The following PHF21B variants were observed in gnomAD, a reference collection of about 807,000 sequenced individuals.
PHF21B encodes the protein PHD finger protein 4.
Under a neutral mutation model 62.2 loss-of-function variants are expected in PHF21B, and 22 were observed. The ratio of observed to expected loss-of-function variants is 0.35; its 90% CI spans 0.25 to 0.51. The LOEUF is 0.51. Ranked by LOEUF, PHF21B falls within the 20% of genes least tolerant of loss-of-function variation. The pLI is 0.97. For synonymous variants in PHF21B, 341 were observed against 314.7 expected (o/e 1.08, Z -0.88); for missense variants, 701 against 707.9 (o/e 0.99, Z 0.11).
chr22:44,952,912 C>T (rs557325350), intron 2 of PHF21B, among the ~76,000 whole-genome samples: 7 of 152,182 alleles, frequency 4.6e-5, no homozygotes, highest in African/African-American at 7.2e-5. Context: ...TCCTAGCCCT[C>T]GGTTGCCCTC....
At chr22:44,894,001 C>T (rs756459383) in intron 6 of PHF21B, among the ~76,000 whole-genome samples, 1 of 152,224 alleles carries the variant, frequency 6.6e-6, no homozygotes, top group Admixed American at 6.5e-5. Context: ...CCTTCGCATG[C>T]GAGCGAGAGG....
intron 5 of PHF21B, among the ~76,000 whole-genome samples, chr22:44,899,017 C>T (rs1462893920): frequency 6.6e-6 from 1 of 152,150 alleles, no homozygotes; most frequent in Non-Finnish European, 1.5e-5. Context: ...GAGCTCCTGC[C>T]ACACGTTCAG....
chr22:44,997,587 G>A (rs1211012283), intron 2 of PHF21B, among the ~76,000 whole-genome samples: 1 of 152,112 alleles, frequency 6.6e-6, no homozygotes, highest in African/African-American at 2.4e-5. Context: ...AATGCTACCT[G>A]TCACTTTGCA....
intron 2 of PHF21B, among the ~76,000 whole-genome samples, chr22:44,982,960 G>C (rs4823428): frequency 6.6e-6 from 1 of 152,102 alleles, no homozygotes; most frequent in Non-Finnish European, 1.5e-5. Context: ...ATGTATGCAA[G>C]GGGCCGGGCG....
chr22:44,975,111 G>A (rs1411414807), intron 2 of PHF21B, among the ~76,000 whole-genome samples: 2 of 152,098 alleles, frequency 1.3e-5, no homozygotes, highest in Admixed American at 6.6e-5. Flanking sequence ...TGCACCCTTG[G>A]CTGAGGGAAG....
At chr22:44,976,451 C>G (rs1490249069) in intron 2 of PHF21B, among the ~76,000 whole-genome samples, 1 of 152,202 alleles carries the variant, frequency 6.6e-6, no homozygotes, top group Non-Finnish European at 1.5e-5. Context: ...TACCCATTGA[C>G]CAATCTTTCC....
At chr22:44,981,812 C>CA (rs952648939) in intron 2 of PHF21B, among the ~76,000 whole-genome samples, 43 of 152,344 alleles carry the variant, frequency 2.8e-4, no homozygotes, top group African/African-American at 9.1e-4. Flanking sequence ...GGATGACTCT[C>CA]AGAGTTCTGG....
At chr22:44,927,119 G>A (rs1036814713) in intron 2 of PHF21B, among the ~76,000 whole-genome samples, 8 of 152,022 alleles carry the variant, frequency 5.3e-5, no homozygotes, top group African/African-American at 9.7e-5. Flanking sequence ...GGATGGAGGC[G>A]GCGGAGAGGC....
chr22:45,009,363 G>T lies in PHF21B; in HGVS notation c.54+133C>A. ...GGTCCGCGCGTGTGCTCACTCCCTC[G>T]CCCCCCGCCCCCGGGCAGGCTCCAG... is the stretch of plus-strand genomic sequence containing the variant. On this transcript the variant is annotated intron_variant, in intron 1 of 12. Transcript: ENST00000313237. The surrounding 1 kb of genome is among the most constrained non-coding windows in gnomAD (Gnocchi z 5.9). The T allele has an allele frequency of 1.1e-6, 1 of 928,354 alleles. No individual in the cohort carries two copies. The highest frequency in any genetic ancestry group is 1.8e-5 in the South Asian group (1 of 55,672). The allele number at this position is 928,354 out of a possible 1,614,324, so 57.5% of individuals were successfully genotyped here. A position where few individuals can be genotyped will look rare whatever the true frequency, so the allele number is the denominator to read the frequency against.
At chr22:44,955,306 A>C (rs1411710540) in intron 2 of PHF21B, among the ~76,000 whole-genome samples, 1 of 152,164 alleles carries the variant, frequency 6.6e-6, no homozygotes, top group Admixed American at 6.5e-5. Flanking sequence ...ATCTGGGTAA[A>C]CACCACCTGT....
chr22:44,961,891 A>T (rs1044856819), intron 2 of PHF21B, among the ~76,000 whole-genome samples: 2 of 146,916 alleles, frequency 1.4e-5, no homozygotes, highest in Admixed American at 1.4e-4. Context: ...TAAATAAATA[A>T]ATAAGTATAA....
chr22:44,971,561 G>C (rs1368914856), intron 2 of PHF21B: 1 of 152,536 alleles, frequency 6.6e-6, no homozygotes, highest in Non-Finnish European at 1.5e-5. Context: ...GCAGAAGCCT[G>C]AATTCCCCAA....
At chr22:44,915,042 G>T (rs1262114282) in intron 4 of PHF21B, among the ~76,000 whole-genome samples, 1 of 152,122 alleles carries the variant, frequency 6.6e-6, no homozygotes. Flanking sequence ...CCTAAGCACG[G>T]GTGGTGACTG....
chr22:44,993,166 T>C (rs1025038033), intron 2 of PHF21B, among the ~76,000 whole-genome samples: 1 of 152,198 alleles, frequency 6.6e-6, no homozygotes, highest in Admixed American at 6.5e-5. Flanking sequence ...CTGGGATTCC[T>C]GGCAGGACTC....
At chr22:44,936,188 C>G (rs980269763) in intron 2 of PHF21B, among the ~76,000 whole-genome samples, 2 of 152,232 alleles carry the variant, frequency 1.3e-5, no homozygotes, top group African/African-American at 4.8e-5. Flanking sequence ...AGCCCCCTCC[C>G]GGGAGAGCTA....
At chr22:44,958,271 T>A (rs1157184871) in intron 2 of PHF21B, among the ~76,000 whole-genome samples, 2 of 152,112 alleles carry the variant, frequency 1.3e-5, no homozygotes, top group Non-Finnish European at 2.9e-5. Flanking sequence ...CCTCCCTGAC[T>A]CTCTCCCTAC....
Position 44,916,280 on chromosome 22 carries a change from C to A in PHF21B, c.564G>T (p.Lys188Asn). Residue 188 changes from lysine (K) to asparagine (N), a missense_variant and splice_region_variant, in exon 4 of 13, where the codon AAG (lysine) becomes AAT (asparagine). Physicochemically the swap from Lys to Asn is moderately conservative, Grantham distance 94 (BLOSUM62 0). Coordinates refer to ENST00000313237, the MANE Select transcript of PHF21B (RefSeq NM_138415.5). ...CCGGAGCCTGCTGGTGGGCACTCAC[C>A]TTGTTGTCAGCACTGATGAGGAGGG... is the stretch of plus-strand genomic sequence containing the variant. Reference protein sequence around the residue: ...VQPLLISADNKPPPRLLSSPH... With the variant: ...VQPLLISADNNPPPRLLSSPH... 6.2e-7 allele frequency: 1 copy of A among 1,608,596 alleles called. No homozygotes were observed. The highest frequency in any genetic ancestry group is 1.1e-5 in the South Asian group (1 of 90,342).
intron 2 of PHF21B, among the ~76,000 whole-genome samples, chr22:44,989,989 G>A (rs779672966): frequency 1.1e-4 from 16 of 152,202 alleles, no homozygotes; most frequent in African/African-American, 1.7e-4. Context: ...GCACAGGCAC[G>A]CTCTTCATAA....
intron 10 of PHF21B, among the ~76,000 whole-genome samples, chr22:44,886,785 T>C (rs1435825568): frequency 6.6e-6 from 1 of 152,044 alleles, no homozygotes; most frequent in Non-Finnish European, 1.5e-5. Context: ...CTGCCCACCA[T>C]ATCCACAGCC....
Sources: gnomAD v4.1 joint callset for allele counts (sites outside exome capture counted in the v4.1 genomes callset) on GRCh38, gnomAD v4.1.1 for gene constraint, Gnocchi (gnomAD v3.1) non-coding constraint, MANE v1.5 for transcripts, NCBI Gene and HGNC (gene_info 2026-07-23, HGNC 2026-07-21) for gene names.